CCSER1: variants seen among roughly 807,000 people sequenced by gnomAD.
The protein encoded by CCSER1 is serine-rich coiled-coil domain-containing protein 1.
CCSER1 carries 41 observed loss-of-function variants against 82.0 expected under a neutral mutation model. The observed-to-expected ratio is 0.50, with a 90% CI of 0.39 to 0.65. CCSER1 has a LOEUF of 0.65. Among genes scored for constraint, CCSER1 ranks in the 30% least tolerant of loss-of-function variants. The probability of loss-of-function intolerance (pLI) is 0.00; values close to 1 mark genes in which losing one functional copy is unlikely to be tolerated. For missense variants in CCSER1, 1,119 were observed against 1,064.2 expected, an observed-to-expected ratio of 1.05 and a Z score of -0.72; for synonymous variants, 414 against 383.9, an observed-to-expected ratio of 1.08 and a Z score of -0.92.
intron 10 of CCSER1, among the ~76,000 whole-genome samples, chr4:91,446,585 G>C (rs1332419291): frequency 2.0e-5 from 3 of 149,708 alleles, no homozygotes; most frequent in African/African-American, 7.3e-5. Context: ...TTCTTTGTGT[G>C]TGTGTGTGTG....
chr4:91,177,720 T>G (rs193012526), intron 10 of CCSER1, among the ~76,000 whole-genome samples: 44 of 152,338 alleles, frequency 2.9e-4, no homozygotes, highest in African/African-American at 1.1e-3. Context: ...TTCTTCTTTA[T>G]TAGTCTTAGC....
intron 5 of CCSER1, among the ~76,000 whole-genome samples, chr4:90,546,946 C>T (rs1042246100): frequency 5.3e-5 from 8 of 152,066 alleles, no homozygotes; most frequent in African/African-American, 1.9e-4. Context: ...CTTTCCAAAG[C>T]CTAATGAGTA....
intron 5 of CCSER1, among the ~76,000 whole-genome samples, chr4:90,487,394 A>G (rs945060133): frequency 1.3e-5 from 2 of 152,246 alleles, no homozygotes; most frequent in Non-Finnish European, 2.9e-5. Context: ...TGAGACAATC[A>G]TAAGTGCACT....
At chr4:90,456,254 C>A (rs937190739) in intron 4 of CCSER1, among the ~76,000 whole-genome samples, 12 of 152,298 alleles carry the variant, frequency 7.9e-5, no homozygotes, top group African/African-American at 2.9e-4. Context: ...ATTGTTACAT[C>A]CTTCTTGCTT....
At chr4:90,456,950 T>G (rs1185324559) in intron 4 of CCSER1, among the ~76,000 whole-genome samples, 1 of 152,158 alleles carries the variant, frequency 6.6e-6, no homozygotes, top group Non-Finnish European at 1.5e-5. Context: ...CTTGATTTGC[T>G]CACTTGGCCT....
intron 6 of CCSER1, among the ~76,000 whole-genome samples, chr4:90,629,573 C>T (rs1579579453): frequency 1.3e-5 from 2 of 152,248 alleles, no homozygotes; most frequent in East Asian, 1.9e-4. Flanking sequence ...CCTCCCCCAC[C>T]CTTGACACAT....
intron 9 of CCSER1, among the ~76,000 whole-genome samples, chr4:91,057,128 G>T (rs1218176611): frequency 2.6e-5 from 4 of 152,144 alleles, no homozygotes; most frequent in Admixed American, 2.6e-4. Context: ...TGGAGGACAA[G>T]GTCCTTATTG....
intron 3 of CCSER1, among the ~76,000 whole-genome samples, chr4:90,317,954 T>G (rs992771482): frequency 6.6e-6 from 1 of 152,220 alleles, no homozygotes; most frequent in Non-Finnish European, 1.5e-5. Flanking sequence ...AATAATGAGT[T>G]TCCTGTATCT....
rs1392056817 is a variant in CCSER1 at position 91,604,579 on chromosome 4, A to G, written c.*5522A>G. The G allele has an allele frequency of 6.6e-6, 1 of 152,126 alleles. No individual in the cohort carries two copies. The highest frequency in any genetic ancestry group is 2.1e-4 in the South Asian group (1 of 4,830). 9.4% of individuals were successfully genotyped at this position (152,126 alleles called of 1,614,324 possible). A position where few individuals can be genotyped will look rare whatever the true frequency, so the allele number is the denominator to read the frequency against. On this transcript the variant is annotated 3_prime_UTR_variant, in exon 11 of 11. Coordinates refer to ENST00000509176, the MANE Select transcript of CCSER1 (RefSeq NM_001145065.2). ...AGTGTCTAACAAAAGGAAAGCATACAGTAAATGAAAAATAAACTAGTTATC... is the reference window on the plus strand; with the variant it reads ...AGTGTCTAACAAAAGGAAAGCATACGGTAAATGAAAAATAAACTAGTTATC...
At chr4:90,800,371 T>G (rs531043812) in intron 7 of CCSER1, among the ~76,000 whole-genome samples, 1 of 152,312 alleles carries the variant, frequency 6.6e-6, no homozygotes, top group South Asian at 2.1e-4. Flanking sequence ...CAAAATGTTG[T>G]GATTACACAC....
At chr4:91,157,813 C>T (rs1206643327) in intron 10 of CCSER1, among the ~76,000 whole-genome samples, 2 of 151,966 alleles carry the variant, frequency 1.3e-5, no homozygotes, top group African/African-American at 4.8e-5. Flanking sequence ...TAATAAATGG[C>T]CAAACATCTT....
At chr4:91,128,378 A>G (rs768151872) in intron 10 of CCSER1, among the ~76,000 whole-genome samples, 18 of 152,048 alleles carry the variant, frequency 1.2e-4, no homozygotes, top group Admixed American at 6.6e-5. Flanking sequence ...GTTTTCAAAG[A>G]CAGATAGGTG....
At chr4:90,880,958 T>C (rs1005333146) in intron 8 of CCSER1, among the ~76,000 whole-genome samples, 3 of 151,848 alleles carry the variant, frequency 2.0e-5, no homozygotes, top group Admixed American at 6.6e-5. Flanking sequence ...TTGAAGGTGC[T>C]GAATTTACCT....
chr4:90,239,016 A>G (rs959359171), intron 1 of CCSER1, among the ~76,000 whole-genome samples: 1 of 151,982 alleles, frequency 6.6e-6, no homozygotes, highest in Non-Finnish European at 1.5e-5. Flanking sequence ...ACACCCAGCT[A>G]ATTTTTGTAT....
chr4:91,258,433 A>G (rs1740859469), intron 10 of CCSER1, among the ~76,000 whole-genome samples: 1 of 152,074 alleles, frequency 6.6e-6, no homozygotes, highest in South Asian at 2.1e-4. Flanking sequence ...TGCTTCCTGC[A>G]TTAAGCAAAC....
intron 7 of CCSER1, among the ~76,000 whole-genome samples, chr4:90,802,855 C>G (rs1262943035): frequency 6.6e-6 from 1 of 151,914 alleles, no homozygotes; most frequent in Non-Finnish European, 1.5e-5. Context: ...TGTGTTTTCT[C>G]ATCTCTGACC....
chr4:90,399,552 A>G (rs148134131), intron 3 of CCSER1, among the ~76,000 whole-genome samples: 1,546 of 152,220 alleles, frequency 0.01, 17 homozygotes, highest in South Asian at 0.03. Flanking sequence ...CCTACATTTG[A>G]AATATAAATA....
At chr4:91,182,092 C>G (rs1450319283) in intron 10 of CCSER1, among the ~76,000 whole-genome samples, 4 of 152,108 alleles carry the variant, frequency 2.6e-5, no homozygotes, top group Non-Finnish European at 5.9e-5. Context: ...CTTGATCTGT[C>G]CCCAGATGGG....
At chr4:90,255,166 A>G (rs775699497) in intron 1 of CCSER1, among the ~76,000 whole-genome samples, 11 of 152,150 alleles carry the variant, frequency 7.2e-5, no homozygotes, top group Non-Finnish European at 1.6e-4. Context: ...ATTAAACACT[A>G]TTTTCAAGTC....
Sources: gnomAD v4.1 joint callset for allele counts (sites outside exome capture counted in the v4.1 genomes callset) on GRCh38, gnomAD v4.1.1 for gene constraint, MANE v1.5 for transcripts, NCBI Gene and HGNC (gene_info 2026-07-23, HGNC 2026-07-21) for gene names.